Variants in VPS13D observed in about 807,000 individuals in gnomAD.
The protein encoded by VPS13D is vacuolar protein sorting 13 homolog D.
A neutral mutation model predicts 461.9 loss-of-function variants in VPS13D; 187 were observed. The observed-to-expected ratio is 0.40, with a 90% confidence interval of 0.36 to 0.46. VPS13D has a LOEUF of 0.46. Among genes scored for constraint, VPS13D ranks in the 20% least tolerant of loss-of-function variants. The pLI is 0.60. For synonymous variants in VPS13D, 1,951 were observed against 1,986.3 expected (o/e 0.98, Z 0.47); for missense variants, 4,711 against 5,364.9 (o/e 0.88, Z 3.81).
At position 12,291,044 on chromosome 1, in the gene VPS13D, T is replaced by G; in HGVS notation, c.5772T>G (p.Ser1924Arg). Reference sequence around the variant, plus strand: ...GCAGCATTGGGAGTCTGTCTCTAAGTGACCTCACATGCCATGGAGAGTTCT... The same window carrying G: ...GCAGCATTGGGAGTCTGTCTCTAAGGGACCTCACATGCCATGGAGAGTTCT... Reference protein sequence around the residue: ...LQGSIGSLSLSDLTCHGEFYR... With the variant: ...LQGSIGSLSLRDLTCHGEFYR... The change falls in exon 23 of 70, where the codon AGT becomes AGG. Residue 1924 changes from serine (S) to arginine (R), a missense_variant. By Grantham distance (110) the Ser-to-Arg change is moderately radical. This residue lies in a region of VPS13D where 4,411 missense variants were observed against 4,937.8 expected (regional missense o/e 0.89). Transcript: ENST00000620676. The G allele has an allele frequency of 6.2e-7, 1 of 1,614,112 alleles. No individual in the cohort carries two copies. Among genetic ancestry groups the G allele is most frequent in the East Asian group, 2.2e-5 (1 of 44,866 alleles).
At chr1:12,263,953 C>T (rs1053053402) in intron 13 of VPS13D, among the ~76,000 whole-genome samples, 4 of 152,166 alleles carry the variant, frequency 2.6e-5, no homozygotes, top group African/African-American at 9.7e-5. Flanking sequence ...TAAAAATGAG[C>T]AAGTCTATAG....
chr1:12,250,610 A>G (rs895917360), intron 6 of VPS13D, among the ~76,000 whole-genome samples: 3 of 152,230 alleles, frequency 2.0e-5, no homozygotes, highest in Non-Finnish European at 2.9e-5. Context: ...GAGCCCTTTT[A>G]TATGGCAGGC....
chr1:12,240,049 G>A (rs78375140), intron 2 of VPS13D, among the ~76,000 whole-genome samples: 3,120 of 152,238 alleles, frequency 0.02, 152 homozygotes, highest in Admixed American at 0.12. Context: ...GAAACCTTCA[G>A]TCTTAAACTA....
intron 35 of VPS13D, among the ~76,000 whole-genome samples, chr1:12,324,495 C>G (rs891795462): frequency 3.9e-5 from 6 of 151,982 alleles, no homozygotes; most frequent in African/African-American, 1.5e-4. Context: ...CAGAGCGAGA[C>G]TCTGTCTCAA....
chr1:12,428,499 A>G (rs1192962578), intron 65 of VPS13D, among the ~76,000 whole-genome samples: 1 of 152,232 alleles, frequency 6.6e-6, no homozygotes, highest in East Asian at 1.9e-4. Context: ...AAGTGTGCAG[A>G]GAACATGACA....
At chr1:12,233,962 C>T (rs898672288) in intron 1 of VPS13D, among the ~76,000 whole-genome samples, 3 of 152,106 alleles carry the variant, frequency 2.0e-5, no homozygotes, top group South Asian at 2.1e-4. Context: ...GCAGGAGAAT[C>T]GCTTGAACCC....
At chr1:12,373,933 G>A in intron 55 of VPS13D, 75 bp downstream of exon 55, 1 of 1,170,588 alleles carries the variant, frequency 8.5e-7, no homozygotes, top group South Asian at 1.3e-5. Flanking sequence ...ACCCAGTGCA[G>A]AGTCCTTATT....
intron 1 of VPS13D, among the ~76,000 whole-genome samples, chr1:12,230,573 C>A (rs1370915862): frequency 6.6e-6 from 1 of 152,184 alleles, no homozygotes; most frequent in Non-Finnish European, 1.5e-5. Context: ...GCGAGCCCCC[C>A]ACATTACGCC....
intron 1 of VPS13D, 144 bp downstream of exon 1, chr1:12,230,264 G>T (rs1639916881): frequency 6.6e-6 from 1 of 152,262 alleles, no homozygotes. Context: ...GAGCCTGGGG[G>T]CCCCGTCGTC....
At chr1:12,258,549 G>A (rs1361843537) in intron 10 of VPS13D, among the ~76,000 whole-genome samples, 1 of 152,240 alleles carries the variant, frequency 6.6e-6, no homozygotes, top group African/African-American at 2.4e-5. Context: ...AAAGGGTGAA[G>A]TACGTGGTGA....
intron 12 of VPS13D, among the ~76,000 whole-genome samples, chr1:12,261,383 A>G (rs978258243): frequency 4.6e-5 from 7 of 152,232 alleles, no homozygotes; most frequent in African/African-American, 1.7e-4. Flanking sequence ...AAAGAACTAA[A>G]TTTGAGCAAG....
intron 29 of VPS13D, among the ~76,000 whole-genome samples, chr1:12,312,619 G>A (rs116037386): frequency 0.044 from 6,687 of 152,170 alleles, 217 homozygotes; most frequent in South Asian, 0.094. Flanking sequence ...AACTAGCTGC[G>A]CATGGTGGTG....
intron 32 of VPS13D, among the ~76,000 whole-genome samples, chr1:12,320,703 CTGAT>C (rs1420498006): frequency 1.3e-5 from 2 of 152,124 alleles, no homozygotes; most frequent in Admixed American, 1.3e-4. Context: ...GAGAATCTTG[CTGAT>C]TGATTAATGA....
chr1:12,432,549 C>T (rs1222197745), intron 65 of VPS13D, among the ~76,000 whole-genome samples: 1 of 151,924 alleles, frequency 6.6e-6, no homozygotes, highest in Non-Finnish European at 1.5e-5. Context: ...CTTGTGATGG[C>T]TTTGTCTTCG....
At chr1:12,333,443 G>A in intron 38 of VPS13D, 77 bp downstream of exon 38, 1 of 1,558,230 alleles carries the variant, frequency 6.4e-7, no homozygotes, top group Admixed American at 1.8e-5. Context: ...ATTAATCCTG[G>A]TTTAGCAAAT....
chr1:12,305,549 C>T (rs371172452), intron 26 of VPS13D, among the ~76,000 whole-genome samples: 3 of 152,204 alleles, frequency 2.0e-5, no homozygotes, highest in South Asian at 2.1e-4. Context: ...CTCAGCCTCC[C>T]GAAGTGCTGG....
At chr1:12,264,994 A>G (rs1182887714) in intron 13 of VPS13D, among the ~76,000 whole-genome samples, 2 of 152,126 alleles carry the variant, frequency 1.3e-5, no homozygotes, top group Non-Finnish European at 2.9e-5. Flanking sequence ...CAGGGCCCTT[A>G]AGAATTATGC....
chr1:12,334,010 A>C (rs1175698718), intron 38 of VPS13D, among the ~76,000 whole-genome samples: 2 of 152,182 alleles, frequency 1.3e-5, no homozygotes, highest in African/African-American at 4.8e-5. Context: ...TGATTTATTG[A>C]TCTACTTGAT....
At chr1:12,256,234 C>G in intron 7 of VPS13D, 99 bp from the exon 8 acceptor site, 1 of 1,383,034 alleles carries the variant, frequency 7.2e-7, no homozygotes, top group Non-Finnish European at 9.9e-7. Context: ...CAGCCTATGG[C>G]TGAGCTCCAC....
Sources: allele counts gnomAD v4.1 joint callset (sites outside exome capture counted in the v4.1 genomes callset), GRCh38; gene constraint gnomAD v4.1.1; regional missense constraint gnomAD v4.1.1; transcripts MANE v1.5; gene names NCBI Gene and HGNC (gene_info 2026-07-23, HGNC 2026-07-21).